The following RALGPS1 variants were observed in gnomAD, a reference collection of about 807,000 sequenced individuals.
RALGPS1 encodes ras-specific guanine nucleotide-releasing factor RalGPS1.
RALGPS1 carries 19 observed loss-of-function variants against 78.8 expected under a neutral mutation model. The ratio of observed to expected loss-of-function variants is 0.24; its 90% CI spans 0.17 to 0.35. RALGPS1 has a LOEUF of 0.35. RALGPS1 is among the 10% of genes least tolerant of loss of function. The pLI is 1.00. For synonymous variants in RALGPS1, 228 were observed against 256.3 expected (o/e 0.89, Z 1.06); for missense variants, 454 against 688.3 (o/e 0.66, Z 3.81).
chr9:127,090,332 T>C (rs538185183), intron 8 of RALGPS1, among the ~76,000 whole-genome samples: 3 of 152,372 alleles, frequency 2.0e-5, no homozygotes, highest in East Asian at 3.9e-4. Flanking sequence ...AGCCCCTGTG[T>C]CCCAGGGTCT....
At chr9:127,143,551 T>G (rs1313169179) in intron 8 of RALGPS1, among the ~76,000 whole-genome samples, 2 of 152,172 alleles carry the variant, frequency 1.3e-5, no homozygotes, top group Non-Finnish European at 2.9e-5. Context: ...AGAATGATGA[T>G]AGGGCCTAGA....
At chr9:126,944,063 T>C (rs1003311401) in intron 1 of RALGPS1, among the ~76,000 whole-genome samples, 1 of 152,166 alleles carries the variant, frequency 6.6e-6, no homozygotes, top group Non-Finnish European at 1.5e-5. Context: ...TCGCAGCCCA[T>C]GGGGGCCTCC....
chr9:126,954,759 G>A lies in RALGPS1; in HGVS notation c.-65-7466G>A, dbSNP rs151328292. Among the ~76,000 whole-genome samples the A allele has an allele frequency of 6.2e-3, 942 of 152,300 alleles. 7 individuals carry two copies. Among genetic ancestry groups the A allele is most frequent in the African/African-American group, 0.021 (891 of 41,570 alleles). On this transcript the variant is annotated intron_variant, in intron 1 of 18. Coordinates refer to ENST00000259351, the MANE Select transcript of RALGPS1 (RefSeq NM_014636.3). Reference sequence around the variant, plus strand: ...GGATGTTGCAGTGAGCCAAGATTGCGCCACTGCACTCCAGCCTGGGACCTG... The same window carrying A: ...GGATGTTGCAGTGAGCCAAGATTGCACCACTGCACTCCAGCCTGGGACCTG...
chr9:126,972,203 C>T (rs1282768001), intron 3 of RALGPS1, among the ~76,000 whole-genome samples: 1 of 152,118 alleles, frequency 6.6e-6, no homozygotes. Context: ...CCCATTGCCC[C>T]ATCATGGCAC....
intron 4 of RALGPS1, among the ~76,000 whole-genome samples, chr9:127,014,531 G>A (rs780994672): frequency 2.0e-5 from 3 of 152,172 alleles, no homozygotes; most frequent in Non-Finnish European, 2.9e-5. Context: ...AGTTAACTGG[G>A]ATGGGGGAGA....
intron 4 of RALGPS1, among the ~76,000 whole-genome samples, chr9:126,981,253 A>T (rs753085555): frequency 2.6e-5 from 4 of 152,192 alleles, no homozygotes; most frequent in Non-Finnish European, 5.9e-5. Context: ...TGGAAGAAGA[A>T]TGTTCCAGGT....
chr9:126,988,570 C>G (rs1286346452), intron 4 of RALGPS1, among the ~76,000 whole-genome samples: 1 of 152,152 alleles, frequency 6.6e-6, no homozygotes, highest in East Asian at 1.9e-4. Context: ...CCATACCCAG[C>G]CCTCTGAAGG....
rs573888290 is a variant in RALGPS1 at position 127,091,445 on chromosome 9, A to AT, written c.610+22099dup. On this transcript the variant is annotated intron_variant, in intron 8 of 18. Coordinates refer to ENST00000259351, the MANE Select transcript of RALGPS1 (RefSeq NM_014636.3). This position sits in a 1 kb window ranked among gnomAD's most constrained non-coding sequence, Gnocchi z 4.3. ...ACCTCTTTATGTCTCGCCCCATCCC[A>AT]TTTTTTTTTTCTTAATTTGTAAATG... Among the ~76,000 whole-genome samples, 55 of 148,076 alleles carry AT rather than the reference A, an allele frequency of 3.7e-4. No homozygotes were observed. Among genetic ancestry groups the AT allele is most frequent in the Admixed American group, 1.2e-3 (18 of 14,872 alleles).
intron 8 of RALGPS1, among the ~76,000 whole-genome samples, chr9:127,097,653 T>G (rs1281306607): frequency 6.6e-6 from 1 of 152,210 alleles, no homozygotes; most frequent in Admixed American, 6.5e-5. Context: ...AGACAAAACA[T>G]CCTACTTTGA....
intron 14 of RALGPS1, among the ~76,000 whole-genome samples, chr9:127,201,362 C>A (rs1361893103): frequency 6.6e-6 from 1 of 152,218 alleles, no homozygotes; most frequent in Non-Finnish European, 1.5e-5. Context: ...CAGGGGGCCA[C>A]CTGCTTTGGA....
intron 5 of RALGPS1, among the ~76,000 whole-genome samples, chr9:127,049,598 T>G (rs1181216828): frequency 6.6e-6 from 1 of 152,210 alleles, no homozygotes. Flanking sequence ...GCTGGGGATA[T>G]GGACCTCACA....
chr9:126,953,374 CGTGT>C (rs10665183), intron 1 of RALGPS1, among the ~76,000 whole-genome samples: 50 of 150,168 alleles, frequency 3.3e-4, no homozygotes, highest in Middle Eastern at 3.5e-3. Flanking sequence ...CACGTGCATG[CGTGT>C]GTGTGTGTGT....
chr9:126,967,119 C>T (rs1418050854), intron 3 of RALGPS1, among the ~76,000 whole-genome samples: 1 of 152,184 alleles, frequency 6.6e-6, no homozygotes, highest in Non-Finnish European at 1.5e-5. Context: ...TCATTGGCTT[C>T]TTCCGTGTTT....
chr9:127,094,300 T>C (rs1471245755), intron 8 of RALGPS1, among the ~76,000 whole-genome samples: 1 of 152,146 alleles, frequency 6.6e-6, no homozygotes, highest in East Asian at 1.9e-4. Flanking sequence ...GAGTGATCTT[T>C]TTCGTGTTCA....
chr9:127,210,635 C>T (rs759358253), intron 14 of RALGPS1: 249 of 1,324,120 alleles, frequency 1.9e-4, no homozygotes, highest in Middle Eastern at 7.5e-4. Flanking sequence ...GCTCTTGCCT[C>T]CTTCAGGAGC....
At chr9:126,934,459 G>A (rs2036079631) in intron 1 of RALGPS1, among the ~76,000 whole-genome samples, 1 of 152,206 alleles carries the variant, frequency 6.6e-6, no homozygotes, top group South Asian at 2.1e-4. Context: ...GGCACCCACA[G>A]GTATATACTG....
In RALGPS1 at chr9:126,957,340, C is replaced by T. The variant is rs192316731; in HGVS notation, c.-65-4885C>T. 9.2e-5 allele frequency among the ~76,000 whole-genome samples: 14 copies of T among 151,462 alleles called. 1 individual carries two copies. In the South Asian group the frequency reaches 2.1e-3, roughly 23 times the overall value. ...GGAAAGCAGGGAGAGCAAGGCCTCTCGTTTGGGCCAGGCTGAGCAGTTTGA... is the reference window on the plus strand; with the variant it reads ...GGAAAGCAGGGAGAGCAAGGCCTCTTGTTTGGGCCAGGCTGAGCAGTTTGA... On this transcript the variant is annotated intron_variant, in intron 1 of 18. Coordinates refer to ENST00000259351, the MANE Select transcript of RALGPS1 (RefSeq NM_014636.3).
intron 8 of RALGPS1, among the ~76,000 whole-genome samples, chr9:127,084,769 G>T (rs1165430942): frequency 6.6e-6 from 1 of 152,258 alleles, no homozygotes; most frequent in Admixed American, 6.5e-5. Flanking sequence ...CCAGTGCGGG[G>T]CCATGCCCTT....
At chr9:127,041,281 G>A (rs1266586097) in intron 5 of RALGPS1, among the ~76,000 whole-genome samples, 3 of 151,922 alleles carry the variant, frequency 2.0e-5, no homozygotes, top group Non-Finnish European at 2.9e-5. Flanking sequence ...TAGTAGAGAC[G>A]GGGTTTCACC....
Sources: allele counts gnomAD v4.1 joint callset (sites outside exome capture counted in the v4.1 genomes callset), GRCh38; gene constraint gnomAD v4.1.1; non-coding constraint Gnocchi (gnomAD v3.1); transcripts MANE v1.5; gene names NCBI Gene and HGNC (gene_info 2026-07-23, HGNC 2026-07-21).